The following PGAM1 variants were observed in gnomAD, a reference collection of about 807,000 sequenced individuals.
PGAM1 encodes the protein BPG-dependent PGAM 1.
PGAM1 carries 21 observed loss-of-function variants against 23.5 expected under a neutral mutation model. The observed-to-expected ratio is 0.89, with a 90% CI of 0.63 to 1.29. PGAM1 has a LOEUF of 1.29. PGAM1 is among the 50% of genes most tolerant of loss of function. PGAM1 has a pLI of 0.00. For missense variants in PGAM1, 232 were observed against 336.3 expected, an observed-to-expected ratio of 0.69 and a Z score of 2.42; for synonymous variants, 109 against 128.6, an observed-to-expected ratio of 0.85 and a Z score of 1.03.
intron 1 of PGAM1, among the ~76,000 whole-genome samples, chr10:97,428,147 ATAGT>A (rs1845431920): frequency 6.6e-6 from 1 of 152,236 alleles, no homozygotes; most frequent in African/African-American, 2.4e-5. Context: ...GACTAATCAA[ATAGT>A]TAAACTTGTA....
intron 1 of PGAM1, chr10:97,427,231 C>G (rs539233770): frequency 1.0e-6 from 1 of 980,732 alleles, no homozygotes; most frequent in South Asian, 4.7e-5. Context: ...CGGATCGACA[C>G]GCCACACAGC....
chr10:97,431,250 G>A (rs1367780607), intron 3 of PGAM1, 115 bp downstream of exon 3: 61 of 1,212,176 alleles, frequency 5.0e-5, no homozygotes, highest in Non-Finnish European at 6.9e-5. Flanking sequence ...CAGCTTTAGA[G>A]ATGGTCTAGA....
At chr10:97,429,540 A>G (rs1210603482) in intron 1 of PGAM1, among the ~76,000 whole-genome samples, 2 of 152,300 alleles carry the variant, frequency 1.3e-5, no homozygotes, top group East Asian at 3.9e-4. Flanking sequence ...GGCTTCTCCT[A>G]AACTTGGTTT....
At chr10:97,428,444 G>A (rs990971963) in intron 1 of PGAM1, among the ~76,000 whole-genome samples, 1 of 152,168 alleles carries the variant, frequency 6.6e-6, no homozygotes, top group Non-Finnish European at 1.5e-5. Context: ...TCCTACCCCT[G>A]TGAGTGCCCC....
intron 1 of PGAM1, chr10:97,427,769 G>T: frequency 7.8e-7 from 1 of 1,287,878 alleles, no homozygotes; most frequent in Non-Finnish European, 1.0e-6. Flanking sequence ...CTGATGATAG[G>T]GGCAGATCCT....
chr10:97,432,021 T>A (rs562307628), intron 3 of PGAM1, among the ~76,000 whole-genome samples: 1 of 152,284 alleles, frequency 6.6e-6, no homozygotes, highest in African/African-American at 2.4e-5. Flanking sequence ...CGTGTGCTGA[T>A]TTTTGGTTGG....
chr10:97,430,001 A>G (rs1200565693), intron 1 of PGAM1, among the ~76,000 whole-genome samples: 2 of 148,608 alleles, frequency 1.3e-5, no homozygotes, highest in African/African-American at 5.0e-5. Flanking sequence ...AGCCGAGACC[A>G]CGCCACTGCA....
chr10:97,432,464 T>A lies in PGAM1; in HGVS notation c.705T>A (p.Asp235Glu), dbSNP rs1473763474. 1 of 1,610,376 alleles carries A rather than the reference T, an allele frequency of 6.2e-7. No individual in the cohort carries two copies. Among genetic ancestry groups the A allele is most frequent in the Admixed American group, 1.7e-5 (1 of 59,930 alleles). Residue 235 changes from aspartate to glutamate, a missense_variant, in exon 4 of 4, where the codon GAT (aspartate) becomes GAA (glutamate). By Grantham distance (45) the Asp-to-Glu change is conservative. Around this residue, in one of 3 missense-constraint regions of PGAM1, gnomAD observed 191 missense variants for 241.7 expected, o/e 0.79. Transcript: ENST00000334828. ...KPIKPMQFLG[D>E]EETVRKAMEA... ...TCAAGCCCATGCAGTTTCTGGGGGA[T>A]GAAGAGACGGTGCGCAAAGCCATGG...
chr10:97,433,162 CAT>C lies in PGAM1; in HGVS notation c.*639_*640del, dbSNP rs1845490451. Reference sequence around the variant, plus strand: ...TCTTGTGGCGGTTGAAATAGTCCCACATGTGGTCATCAGAAAATAAGCCATTC... The same window carrying C: ...TCTTGTGGCGGTTGAAATAGTCCCACGTGGTCATCAGAAAATAAGCCATTC... On this transcript the variant is annotated 3_prime_UTR_variant, in exon 4 of 4. Transcript: ENST00000334828. 6.6e-6 allele frequency: 1 copy of C among 152,034 alleles called. No homozygotes were observed. The highest frequency in any genetic ancestry group is 1.5e-5 in the Non-Finnish European group (1 of 68,298). The allele number at this position is 152,034 out of a possible 1,614,324, so 9.4% of individuals were successfully genotyped here.
intron 1 of PGAM1, chr10:97,427,118 T>G (rs1845418929): frequency 5.7e-6 from 1 of 174,948 alleles, no homozygotes; most frequent in South Asian, 1.9e-4. Flanking sequence ...TCAGGTTCCC[T>G]TAGCGCCAGA....
At position 97,431,080 on chromosome 10, in the gene PGAM1, T is replaced by C; in HGVS notation, c.540T>C (p.Arg180=). ...EIVPQIKEGK[R]VLIAAHGNSL... is the part of the protein sequence containing the mutation. ...TTCCCCAGATCAAGGAGGGGAAACG[T>C]GTACTGATTGCAGCCCATGGCAACA... The change falls in exon 3 of 4, where the codon CGT becomes CGC. Residue 180 remains arginine (R), a synonymous_variant. Transcript: ENST00000334828. 4 of 1,614,112 alleles carry C rather than the reference T, an allele frequency of 2.5e-6. No homozygotes were observed. Among genetic ancestry groups the C allele is most frequent in the Non-Finnish European group, 3.4e-6 (4 of 1,180,016 alleles).
chr10:97,427,790 C>T (rs1484778999), intron 1 of PGAM1: 1 of 1,289,304 alleles, frequency 7.8e-7, no homozygotes, highest in Admixed American at 2.3e-5. Context: ...CCTTTGCTCC[C>T]TTCTAACCTC....
intron 1 of PGAM1, 105 bp from the exon 2 acceptor site, chr10:97,430,274 C>G (rs138140388): frequency 3.0e-4 from 420 of 1,405,984 alleles, no homozygotes; most frequent in Non-Finnish European, 4.0e-4. Flanking sequence ...TCTTTTTTGG[C>G]CAAATATTGT....
intron 1 of PGAM1, among the ~76,000 whole-genome samples, chr10:97,429,124 G>A (rs978430348): frequency 3.8e-4 from 46 of 119,616 alleles, no homozygotes; most frequent in Non-Finnish European, 6.0e-4. Flanking sequence ...TTTTGCGTGC[G>A]ACAGAGTCTC....
intron 3 of PGAM1, 114 bp downstream of exon 3, chr10:97,431,249 A>AGAG (rs1317373988): frequency 1.7e-6 from 2 of 1,208,910 alleles, no homozygotes; most frequent in East Asian, 4.8e-5. Flanking sequence ...ACAGCTTTAG[A>AGAG]GATGGTCTAG....
intron 3 of PGAM1, among the ~76,000 whole-genome samples, chr10:97,431,473 C>G (rs1845471304): frequency 6.6e-6 from 1 of 152,204 alleles, no homozygotes; most frequent in Non-Finnish European, 1.5e-5. Context: ...TCAAATGAAA[C>G]TGCTAGTGAA....
intron 1 of PGAM1, chr10:97,427,726 G>GC (rs1237430848): frequency 1.4e-5 from 17 of 1,257,724 alleles, no homozygotes; most frequent in Non-Finnish European, 1.7e-5. Context: ...TGCCGGCACG[G>GC]CCAAGAATCC....
rs1014061625 is a variant in PGAM1, at chr10:97,426,337, GC to G, written c.31del (p.His11ThrfsTer20). 6.2e-7 allele frequency: 1 copy of G among 1,610,262 alleles called. No individual in the cohort carries two copies. The highest frequency in any genetic ancestry group is 8.5e-7 in the Non-Finnish European group (1 of 1,179,042). On this transcript the variant is annotated frameshift_variant, in exon 1 of 4. Coordinates refer to ENST00000334828, the MANE Select transcript of PGAM1 (RefSeq NM_002629.4). LOFTEE classifies it high-confidence loss of function. MAAYKLVLIRHGESAWNLENR... is the reference protein window; with the variant it reads MAAYKLVLIRXGESAWNLENR... ...CCGCCTACAAACTGGTGCTGATCCG[GC>G]ACGGCGAGAGCGCATGGAACCTGGA...
chr10:97,427,781 CTTT>C, intron 1 of PGAM1: 1 of 1,289,078 alleles, frequency 7.8e-7, no homozygotes, highest in Non-Finnish European at 1.0e-6. Flanking sequence ...GCAGATCCTC[CTTT>C]GCTCCCTTCT....
Sources: allele counts gnomAD v4.1 joint callset (sites outside exome capture counted in the v4.1 genomes callset), GRCh38; gene constraint gnomAD v4.1.1; regional missense constraint gnomAD v4.1.1; transcripts MANE v1.5; gene names NCBI Gene and HGNC (gene_info 2026-07-23, HGNC 2026-07-21).